CACNB2: variants seen among roughly 807,000 people sequenced by gnomAD.
The protein encoded by CACNB2 is calcium voltage-gated channel auxiliary subunit beta 2.
In CACNB2, 42 loss-of-function variants were observed where a neutral mutation model predicts 73.3. The ratio of observed to expected loss-of-function variants is 0.57; its 90% CI spans 0.45 to 0.74. The LOEUF (loss-of-function observed/expected upper bound fraction) is 0.74, where lower values mean the gene tolerates loss of function less well. Among genes scored for constraint, CACNB2 ranks in the 30% least tolerant of loss-of-function variants. The probability of loss-of-function intolerance (pLI) is 0.00; values close to 1 mark genes in which losing one functional copy is unlikely to be tolerated. For missense variants in CACNB2, 940 were observed against 853.0 expected (o/e 1.10, Z -1.27); for synonymous variants, 348 against 310.3 (o/e 1.12, Z -1.28).
At chr10:18,420,726 C>T (rs2045274017) in intron 3 of CACNB2, among the ~76,000 whole-genome samples, 1 of 152,104 alleles carries the variant, frequency 6.6e-6, no homozygotes, top group Non-Finnish European at 1.5e-5. Context: ...TCAAGTTGAC[C>T]ATAAAATTAG....
intron 2 of CACNB2, among the ~76,000 whole-genome samples, chr10:18,308,812 A>G (rs2039846708): frequency 6.6e-6 from 1 of 152,210 alleles, no homozygotes; most frequent in African/African-American, 2.4e-5. Flanking sequence ...CAAGGGTATG[A>G]CTTGACAACT....
At chr10:18,339,703 C>T (rs1403751105) in intron 2 of CACNB2, among the ~76,000 whole-genome samples, 2 of 152,070 alleles carry the variant, frequency 1.3e-5, no homozygotes, top group South Asian at 2.1e-4. Context: ...ATGGAGCATA[C>T]GTAAATGAAC....
chr10:18,479,857 T>C (rs2048633701), intron 3 of CACNB2, among the ~76,000 whole-genome samples: 1 of 152,196 alleles, frequency 6.6e-6, no homozygotes, highest in African/African-American at 2.4e-5. Context: ...TCTCAGGTAG[T>C]TCTTTATAGC....
In CACNB2 at chr10:18,464,418, T is replaced by TTAAAAAAAAAAAAAA. The variant is rs1360690647; in HGVS notation, c.334-33937_334-33936insTAAAAAAAAAAAAAA. Among the ~76,000 whole-genome samples the TTAAAAAAAAAAAAAA allele has an allele frequency of 5.8e-3, 496 of 85,158 alleles. 20 individuals carry two copies. The highest frequency in any genetic ancestry group is 6.9e-3 in the Middle Eastern group (1 of 144). 55.9% of individuals were successfully genotyped at this position (85,158 alleles called of 152,430 possible). On this transcript the variant is annotated intron_variant, in intron 3 of 13. Coordinates refer to ENST00000324631, the MANE Select transcript of CACNB2 (RefSeq NM_201596.3). ...CAGAGTGAGACCCTGTCTCAAAAAT[T>TTAAAAAAAAAAAAAA]AAAAAAAAAAAAAAAAAAAAAAGAA...
At chr10:18,446,966 G>A (rs78461157) in intron 3 of CACNB2, among the ~76,000 whole-genome samples, 3,952 of 152,154 alleles carry the variant, frequency 0.026, 180 homozygotes, top group African/African-American at 0.091. Context: ...AGCTGAGGTA[G>A]GAGGATTGGA....
intron 11 of CACNB2, among the ~76,000 whole-genome samples, chr10:18,535,390 T>C (rs990857211): frequency 3.9e-5 from 6 of 152,120 alleles, no homozygotes; most frequent in African/African-American, 1.4e-4. Context: ...GCAGGTTGAC[T>C]GTAGAAGCAA....
chr10:18,311,171 A>G (rs893770225), intron 2 of CACNB2, among the ~76,000 whole-genome samples: 3 of 151,998 alleles, frequency 2.0e-5, no homozygotes, highest in African/African-American at 4.8e-5. Flanking sequence ...TTATCTGCTT[A>G]TTTTGGACCT....
At chr10:18,499,388 T>C (rs549965926) in intron 4 of CACNB2, among the ~76,000 whole-genome samples, 65 of 151,902 alleles carry the variant, frequency 4.3e-4, no homozygotes, top group African/African-American at 1.3e-3. Context: ...GAGGCCAAGG[T>C]GGGCGGATCA....
intron 2 of CACNB2, among the ~76,000 whole-genome samples, chr10:18,209,590 AAT>A (rs1290134344): frequency 6.6e-6 from 1 of 152,134 alleles, no homozygotes; most frequent in Non-Finnish European, 1.5e-5. Context: ...CTTATAATTA[AAT>A]ATGTGTTGCT....
At chr10:18,444,076 A>G (rs1693331857) in intron 3 of CACNB2, among the ~76,000 whole-genome samples, 1 of 152,170 alleles carries the variant, frequency 6.6e-6, no homozygotes, top group South Asian at 2.1e-4. Context: ...ACTGCTCTTA[A>G]GGATTCTCCC....
chr10:18,442,160 T>G (rs576452212), intron 3 of CACNB2, among the ~76,000 whole-genome samples: 241 of 152,222 alleles, frequency 1.6e-3, no homozygotes, highest in African/African-American at 5.7e-3. Flanking sequence ...CTATTCTTTT[T>G]TTTATTGAGA....
At chr10:18,488,365 C>T (rs1009455482) in intron 3 of CACNB2, among the ~76,000 whole-genome samples, 3 of 147,906 alleles carry the variant, frequency 2.0e-5, no homozygotes, top group African/African-American at 7.5e-5. Context: ...GTCCCAGCTA[C>T]TCGGGAGGCT....
intron 2 of CACNB2, among the ~76,000 whole-genome samples, chr10:18,165,671 A>G (rs147749518): frequency 1.5e-4 from 23 of 152,314 alleles, no homozygotes; most frequent in African/African-American, 5.5e-4. Flanking sequence ...CAAGACCACT[A>G]TTATGCCAGG....
At chr10:18,294,162 T>G (rs1233802071) in intron 2 of CACNB2, among the ~76,000 whole-genome samples, 1 of 152,228 alleles carries the variant, frequency 6.6e-6, no homozygotes, top group Non-Finnish European at 1.5e-5. Context: ...TTCCGAGACC[T>G]GCTTCACTCC....
chr10:18,361,872 C>G (rs2042157144), intron 2 of CACNB2, among the ~76,000 whole-genome samples: 1 of 152,186 alleles, frequency 6.6e-6, no homozygotes, highest in Admixed American at 6.6e-5. Flanking sequence ...CTCTACCTCC[C>G]AAAGTGCTGG....
At position 18,491,819 on chromosome 10, in the gene CACNB2, T is replaced by TAAAAAAA. The variant is rs68179779; in HGVS notation, c.334-6514_334-6508dup. ...TATTCCCTTGGAACTTCAAGTTGGT[T>TAAAAAAA]AAAAAAAAAAAAAAAAAAAAAAAAA... On this transcript the variant is annotated intron_variant, in intron 3 of 13. Transcript: ENST00000324631. Among the ~76,000 whole-genome samples, 71 of 65,574 alleles carry TAAAAAAA rather than the reference T, an allele frequency of 1.1e-3. 10 individuals are homozygous for TAAAAAAA. The highest frequency in any genetic ancestry group is 5.0e-3 in the East Asian group (8 of 1,586). The allele number at this position is 65,574 out of a possible 152,430, so 43.0% of individuals were successfully genotyped here.
Position 18,539,354 on chromosome 10 carries a change from A to ACCACAACCAT in CACNB2, c.1615_1624dup (p.Arg542ProfsTer18). ...CACCGCTCTTCCTCCTCAGCCCCAC[A>ACCACAACCAT]CCACAACCATCGCAGTGGGACAAGT... On this transcript the variant is annotated frameshift_variant, in exon 14 of 14. Coordinates refer to ENST00000324631, the MANE Select transcript of CACNB2 (RefSeq NM_201596.3). LOFTEE classifies it high-confidence loss of function. 3 of 1,614,058 alleles carry ACCACAACCAT rather than the reference A, an allele frequency of 1.9e-6. No individual in the cohort carries two copies. The highest frequency in any genetic ancestry group is 2.5e-6 in the Non-Finnish European group (3 of 1,180,008).
chr10:18,514,155 TTTTA>T, intron 6 of CACNB2, 77 bp from the exon 7 acceptor site: 1 of 1,486,830 alleles, frequency 6.7e-7, no homozygotes, highest in Non-Finnish European at 9.4e-7. Context: ...CTATGGTTAG[TTTTA>T]TTTGCTTTCA....
intron 2 of CACNB2, among the ~76,000 whole-genome samples, chr10:18,365,087 A>C (rs2042295439): frequency 6.6e-6 from 1 of 152,206 alleles, no homozygotes; most frequent in African/African-American, 2.4e-5. Context: ...AAGTTAAGGC[A>C]CTTGTCTTGG....
Sources: allele counts gnomAD v4.1 joint callset (sites outside exome capture counted in the v4.1 genomes callset), GRCh38; gene constraint gnomAD v4.1.1; transcripts MANE v1.5; gene names NCBI Gene and HGNC (gene_info 2026-07-23, HGNC 2026-07-21).